Variants in PPP1R14C observed in about 807,000 individuals in gnomAD.
PPP1R14C encodes the protein protein phosphatase 1 regulatory subunit 14C.
PPP1R14C carries 16 observed loss-of-function variants against 20.4 expected under a neutral mutation model. That is an observed-to-expected ratio of 0.78 (90% CI 0.53 to 1.19). PPP1R14C has a LOEUF of 1.19. PPP1R14C is among the 50% of genes most tolerant of loss of function. The pLI is 0.00. For synonymous variants in PPP1R14C, 91 were observed against 91.0 expected (o/e 1.00, Z 0.00); for missense variants, 211 against 220.1 (o/e 0.96, Z 0.26).
rs1238054717 is a variant in PPP1R14C, at chr6:150,204,067, G to GA, written c.307-10675dup. Among the ~76,000 whole-genome samples, 3 of 152,348 alleles carry GA rather than the reference G, an allele frequency of 2.0e-5. No homozygotes were observed. In the East Asian group the frequency reaches 5.8e-4, roughly 29 times the overall value. ...TTCATGTAGGTGCTGCACGGAGAAA[G>GA]AAGGGCCCTGAGAAGAGAGGCTGCT... On this transcript the variant is annotated intron_variant, in intron 1 of 3. Coordinates refer to ENST00000361131, the MANE Select transcript of PPP1R14C (RefSeq NM_030949.3).
At chr6:150,187,243 T>TTC (rs1191266651) in intron 1 of PPP1R14C, among the ~76,000 whole-genome samples, 35 of 120,508 alleles carry the variant, frequency 2.9e-4, no homozygotes, top group African/African-American at 7.9e-4. Context: ...GCCTTTCTCT[T>TTC]TCTCTGTGTG....
At chr6:150,174,369 C>G (rs4870350) in intron 1 of PPP1R14C, among the ~76,000 whole-genome samples, 127,858 of 151,672 alleles carry the variant, frequency 0.84, 54,206 homozygotes, top group East Asian at 0.97. Flanking sequence ...ACCGGTGCCC[C>G]CCACCACTCC....
intron 3 of PPP1R14C, among the ~76,000 whole-genome samples, chr6:150,220,772 C>T (rs564440567): frequency 2.0e-5 from 3 of 152,234 alleles, no homozygotes; most frequent in South Asian, 2.1e-4. Context: ...GAAATGAGCC[C>T]GTTCTCTCCC....
intron 1 of PPP1R14C, among the ~76,000 whole-genome samples, chr6:150,147,090 A>G (rs1450234580): frequency 1.3e-5 from 2 of 149,172 alleles, no homozygotes; most frequent in Non-Finnish European, 3.0e-5. Context: ...CTAAATCTAC[A>G]TCTACATCCA....
chr6:150,214,343 T>C (rs551997775), intron 1 of PPP1R14C, among the ~76,000 whole-genome samples: 1 of 152,206 alleles, frequency 6.6e-6, no homozygotes, highest in Non-Finnish European at 1.5e-5. Context: ...CCTTATATAC[T>C]TACAGATGCA....
intron 1 of PPP1R14C, among the ~76,000 whole-genome samples, chr6:150,214,480 T>C (rs962864105): frequency 3.3e-5 from 5 of 151,652 alleles, no homozygotes; most frequent in African/African-American, 1.2e-4. Flanking sequence ...TTTCCTTCCT[T>C]CCTTCATTTC....
At chr6:150,227,271 G>A (rs750835086) in intron 3 of PPP1R14C, among the ~76,000 whole-genome samples, 2 of 152,196 alleles carry the variant, frequency 1.3e-5, no homozygotes, top group African/African-American at 2.4e-5. Context: ...CAACAAATGT[G>A]TATCGAATAT....
chr6:150,171,879 C>G (rs1439335168), intron 1 of PPP1R14C, among the ~76,000 whole-genome samples: 1 of 152,094 alleles, frequency 6.6e-6, no homozygotes. Flanking sequence ...GGTCTTGGCT[C>G]ACCGCAACCT....
At chr6:150,212,090 T>A (rs1270850917) in intron 1 of PPP1R14C, among the ~76,000 whole-genome samples, 2 of 152,140 alleles carry the variant, frequency 1.3e-5, no homozygotes, top group African/African-American at 4.8e-5. Flanking sequence ...CAAGCCCCTT[T>A]GAGAGGGGAA....
intron 3 of PPP1R14C, among the ~76,000 whole-genome samples, chr6:150,245,082 C>A (rs561096246): frequency 1.3e-5 from 2 of 152,100 alleles, no homozygotes; most frequent in Admixed American, 6.6e-5. Context: ...CCAGTTGATG[C>A]GGAACAGTGA....
At chr6:150,162,088 G>C (rs571729190) in intron 1 of PPP1R14C, among the ~76,000 whole-genome samples, 2 of 149,930 alleles carry the variant, frequency 1.3e-5, no homozygotes, top group African/African-American at 2.5e-5. Flanking sequence ...CGGAGTCTTG[G>C]TTTGTCACCC....
In PPP1R14C at chr6:150,195,537, G is replaced by C. The variant is rs530245843; in HGVS notation, c.307-19207G>C. Among the ~76,000 whole-genome samples, 4 of 152,210 alleles carry C rather than the reference G, an allele frequency of 2.6e-5. No individual in the cohort carries two copies. The South Asian group carries it at 6.2e-4, about 24-fold the overall frequency. ...TAATTTTTGTATGTTTATACAGATG[G>C]GGTTTCACCATGTTGCCCAGGCTGG... On this transcript the variant is annotated intron_variant, in intron 1 of 3. Transcript: ENST00000361131.
intron 1 of PPP1R14C, among the ~76,000 whole-genome samples, chr6:150,167,201 A>C (rs1473817874): frequency 6.6e-6 from 1 of 152,136 alleles, no homozygotes; most frequent in Non-Finnish European, 1.5e-5. Context: ...CCCCATCTCT[A>C]CTAAAAATAC....
intron 1 of PPP1R14C, among the ~76,000 whole-genome samples, chr6:150,214,479 T>C (rs1778065715): frequency 6.6e-6 from 1 of 151,808 alleles, no homozygotes; most frequent in Non-Finnish European, 1.5e-5. Flanking sequence ...TTTTCCTTCC[T>C]TCCTTCATTT....
chr6:150,160,996 A>G (rs1777360568), intron 1 of PPP1R14C, among the ~76,000 whole-genome samples: 1 of 151,860 alleles, frequency 6.6e-6, no homozygotes, highest in Non-Finnish European at 1.5e-5. Flanking sequence ...AAACCAAGAT[A>G]TGGCCGGGTG....
At chr6:150,162,054 CTTTTTTCTTTT>C (rs972017582) in intron 1 of PPP1R14C, among the ~76,000 whole-genome samples, 4 of 77,880 alleles carry the variant, frequency 5.1e-5, no homozygotes, top group Non-Finnish European at 7.9e-5. Flanking sequence ...ATTTTCTTTT[CTTTTTTCTTTT>C]TTTTTTTTGA....
rs750943073 is a variant in PPP1R14C, at chr6:150,167,988, C to CCTT, written c.306+24490_306+24491insCTT. 2.5e-3 allele frequency among the ~76,000 whole-genome samples: 126 copies of CCTT among 49,620 alleles called. 10 individuals are homozygous for CCTT. Among genetic ancestry groups the CCTT allele is most frequent in the Middle Eastern group, 8.6e-3 (1 of 116 alleles). 32.6% of individuals were successfully genotyped at this position (49,620 alleles called of 152,430 possible). On this transcript the variant is annotated intron_variant, in intron 1 of 3. Coordinates refer to ENST00000361131, the MANE Select transcript of PPP1R14C (RefSeq NM_030949.3). ...CCTCTTTCTCTCCTTCTCTCCTCCC[C>CCTT]TCTTCCTCTCCCCCTTGCTTTCCTC... is the stretch of plus-strand genomic sequence containing the variant.
At position 150,249,879 on chromosome 6, in the gene PPP1R14C, C is replaced by T. The variant is rs903431768; in HGVS notation, c.*1059C>T. The T allele has an allele frequency of 9.3e-6, 2 of 215,028 alleles. No homozygotes were observed. The highest frequency in any genetic ancestry group is 4.5e-5 in the African/African-American group (2 of 44,028). The allele number at this position is 215,028 out of a possible 1,614,324, so 13.3% of individuals were successfully genotyped here. On this transcript the variant is annotated 3_prime_UTR_variant, in exon 4 of 4. Transcript: ENST00000361131. ...CTCACATTCTCTCAAGACAGTTGCTCTAGGAGCTGAGTTGCTGGTTTGGAA... is the reference window on the plus strand; with the variant it reads ...CTCACATTCTCTCAAGACAGTTGCTTTAGGAGCTGAGTTGCTGGTTTGGAA...
chr6:150,195,848 G>C (rs1777798138), intron 1 of PPP1R14C: 6 of 985,330 alleles, frequency 6.1e-6, no homozygotes, highest in African/African-American at 1.7e-5. Flanking sequence ...TAGGACCACA[G>C]AGCTATGGGA....
Sources: allele counts gnomAD v4.1 joint callset (sites outside exome capture counted in the v4.1 genomes callset), GRCh38; gene constraint gnomAD v4.1.1; transcripts MANE v1.5; gene names NCBI Gene and HGNC (gene_info 2026-07-23, HGNC 2026-07-21).